Variants in OR9Q1 observed in about 807,000 individuals in gnomAD.
The protein encoded by OR9Q1 is olfactory receptor 9Q1.
For missense variants in OR9Q1, 374 were observed against 378.8 expected (o/e 0.99, Z 0.11); for synonymous variants, 153 against 148.6 (o/e 1.03, Z -0.22).
chr11:58,045,748 A>G (rs1853210161), intron 1 of OR9Q1, among the ~76,000 whole-genome samples: 1 of 152,212 alleles, frequency 6.6e-6, no homozygotes, highest in Non-Finnish European at 1.5e-5. Context: ...CCCCAACAGA[A>G]CTGGGTCATC....
At chr11:58,150,558 G>C (rs1041318850) in intron 2 of OR9Q1, among the ~76,000 whole-genome samples, 3 of 152,140 alleles carry the variant, frequency 2.0e-5, no homozygotes. Flanking sequence ...GGTTCCATGA[G>C]GTTATAATGG....
chr11:58,048,055 G>A (rs908438857), intron 1 of OR9Q1, among the ~76,000 whole-genome samples: 4 of 152,166 alleles, frequency 2.6e-5, no homozygotes, highest in African/African-American at 7.2e-5. Flanking sequence ...TGAAAGACAA[G>A]ATAATGGGGA....
At chr11:58,089,527 C>T (rs937842386) in intron 2 of OR9Q1, among the ~76,000 whole-genome samples, 4 of 151,796 alleles carry the variant, frequency 2.6e-5, no homozygotes, top group Non-Finnish European at 4.4e-5. Flanking sequence ...TGTTTTGGTA[C>T]CAGTACCATG....
chr11:58,141,403 A>G (rs1287981078), intron 2 of OR9Q1, among the ~76,000 whole-genome samples: 1 of 152,160 alleles, frequency 6.6e-6, no homozygotes, highest in African/African-American at 2.4e-5. Flanking sequence ...ATCAATACCT[A>G]ATTTATTGAG....
At chr11:58,043,242 C>T (rs555679051) in intron 1 of OR9Q1, among the ~76,000 whole-genome samples, 19 of 152,256 alleles carry the variant, frequency 1.2e-4, no homozygotes, top group African/African-American at 4.1e-4. Flanking sequence ...CAGCTTCATT[C>T]GGTGGAAACT....
At chr11:58,165,772 T>G (rs564759505) in intron 2 of OR9Q1, among the ~76,000 whole-genome samples, 10 of 152,336 alleles carry the variant, frequency 6.6e-5, no homozygotes, top group Admixed American at 2.0e-4. Context: ...CCCCAGGCAC[T>G]GGATTGAGTA....
intron 2 of OR9Q1, among the ~76,000 whole-genome samples, chr11:58,125,059 A>G (rs1196135607): frequency 2.0e-5 from 3 of 152,204 alleles, no homozygotes; most frequent in African/African-American, 7.2e-5. Context: ...CCTAGTACAT[A>G]TGACTAATTC....
intron 2 of OR9Q1, among the ~76,000 whole-genome samples, chr11:58,151,917 T>C (rs2443427): frequency 0.16 from 23,664 of 152,026 alleles, 2,013 homozygotes; most frequent in Admixed American, 0.19. Flanking sequence ...GGTAAGGGAA[T>C]TGGGGTAGAA....
intron 2 of OR9Q1, among the ~76,000 whole-genome samples, chr11:58,089,273 T>G (rs966421625): frequency 3.3e-5 from 5 of 151,814 alleles, no homozygotes; most frequent in African/African-American, 4.9e-5. Flanking sequence ...GTTTTTATGG[T>G]TTTGGGTTTT....
chr11:58,066,679 G>T (rs1426224981), intron 2 of OR9Q1, among the ~76,000 whole-genome samples: 1 of 152,088 alleles, frequency 6.6e-6, no homozygotes, highest in African/African-American at 2.4e-5. Flanking sequence ...ACAGCCCCAG[G>T]GTATAGGAGT....
At position 58,063,435 on chromosome 11, in the gene OR9Q1, A is replaced by T. The variant is rs1354360751; in HGVS notation, c.-15+7488A>T. 2.0e-5 allele frequency among the ~76,000 whole-genome samples: 3 copies of T among 152,190 alleles called. No individual in the cohort carries two copies. The East Asian group carries it at 5.8e-4, about 29-fold the overall frequency. On this transcript the variant is annotated intron_variant, in intron 2 of 2. Coordinates refer to ENST00000335397, the MANE Select transcript of OR9Q1 (RefSeq NM_001005212.4). ...TACATGTATTAATTTATTTAATCTT[A>T]AGGATTTGAACACATGCAAAGGATC...
At chr11:58,075,363 C>T (rs757610626) in intron 2 of OR9Q1, 11 of 151,932 alleles carry the variant, frequency 7.2e-5, no homozygotes, top group Non-Finnish European at 1.2e-4. Context: ...TATTCTCTAG[C>T]GAAGACTTTA....
chr11:58,044,650 T>G (rs1410648405), intron 1 of OR9Q1: 1 of 152,294 alleles, frequency 6.6e-6, no homozygotes, highest in Non-Finnish European at 1.5e-5. Flanking sequence ...ATTTTCCTCT[T>G]TCTCCATTTC....
chr11:58,119,198 C>T, intron 2 of OR9Q1: 1 of 1,613,934 alleles, frequency 6.2e-7, no homozygotes, highest in Non-Finnish European at 8.5e-7. Flanking sequence ...GCCAATGTGG[C>T]TAGGATCTGA....
At chr11:58,026,948 C>CT (rs1379228337) in intron 1 of OR9Q1, 2 of 152,160 alleles carry the variant, frequency 1.3e-5, no homozygotes, top group African/African-American at 4.8e-5. Context: ...TATTTGACAA[C>CT]TTGAATTCAT....
intron 1 of OR9Q1, among the ~76,000 whole-genome samples, chr11:58,034,100 T>TTTAA (rs1491270158): frequency 9.7e-6 from 1 of 103,288 alleles, no homozygotes; most frequent in African/African-American, 3.5e-5. Flanking sequence ...TTTTTTTTTT[T>TTTAA]AGACAGAGTC....
intron 2 of OR9Q1, among the ~76,000 whole-genome samples, chr11:58,178,057 A>G (rs995619443): frequency 2.0e-5 from 3 of 152,176 alleles, no homozygotes; most frequent in South Asian, 2.1e-4. Context: ...CAATAATTCA[A>G]TACGTCTGGA....
chr11:58,037,895 T>TA (rs150276330), intron 1 of OR9Q1, among the ~76,000 whole-genome samples: 34,541 of 121,014 alleles, frequency 0.29, 5,203 homozygotes, highest in East Asian at 0.62. Flanking sequence ...ATTTTTTTTG[T>TA]TTTTTTTTTT....
At chr11:58,048,678 A>AT (rs1255336334) in intron 1 of OR9Q1, among the ~76,000 whole-genome samples, 3,871 of 112,068 alleles carry the variant, frequency 0.035, 73 homozygotes, top group Middle Eastern at 0.062. Flanking sequence ...TTAAAAAAAA[A>AT]AATATATATA....
Sources: gnomAD v4.1 joint callset for allele counts (sites outside exome capture counted in the v4.1 genomes callset) on GRCh38, gnomAD v4.1.1 for gene constraint, MANE v1.5 for transcripts, NCBI Gene and HGNC (gene_info 2026-07-23, HGNC 2026-07-21) for gene names.